Variants in EYS observed in about 807,000 individuals in gnomAD.
EYS encodes the protein EGF-like photoreceptor maintenance factor, also known as protein eyes shut homolog.
In EYS, 250 loss-of-function variants were observed where a neutral mutation model predicts 282.1. That is an observed-to-expected ratio of 0.89 (90% confidence interval 0.80 to 0.98). The LOEUF (loss-of-function observed/expected upper bound fraction) is 0.98. Among genes scored for constraint, EYS ranks in the 50% least tolerant of loss-of-function variants. EYS has a pLI of 0.00. For missense variants in EYS, 4,016 were observed against 3,709.0 expected (o/e 1.08, Z -2.15); for synonymous variants, 1,355 against 1,282.9 (o/e 1.06, Z -1.20).
intron 14 of EYS, among the ~76,000 whole-genome samples, chr6:64,950,835 T>A (rs9351472): frequency 0.17 from 8,403 of 48,846 alleles, 624 homozygotes; most frequent in East Asian, 0.22. Flanking sequence ...ATATATATAT[T>A]GTTGAATTGT....
At chr6:64,185,202 G>A (rs1158259723) in intron 31 of EYS, among the ~76,000 whole-genome samples, 2 of 137,366 alleles carry the variant, frequency 1.5e-5, no homozygotes, top group East Asian at 4.6e-4. Flanking sequence ...TGTCATAGCA[G>A]TCAAATGGAC....
At chr6:64,592,603 A>C (rs1297962691) in intron 25 of EYS, among the ~76,000 whole-genome samples, 1 of 152,184 alleles carries the variant, frequency 6.6e-6, no homozygotes, top group Non-Finnish European at 1.5e-5. Context: ...TTTGGAATTT[A>C]ATATACAATG....
intron 2 of EYS, among the ~76,000 whole-genome samples, chr6:65,610,772 T>A (rs1052983950): frequency 1.9e-4 from 29 of 152,146 alleles, no homozygotes. Flanking sequence ...CTAATTCTGC[T>A]ATTTACTCAC....
chr6:64,870,350 T>A (rs1332724115), intron 19 of EYS, among the ~76,000 whole-genome samples: 1 of 150,846 alleles, frequency 6.6e-6, no homozygotes, highest in East Asian at 1.9e-4. Context: ...CTTAGGGTGA[T>A]CCTTGATACA....
chr6:65,319,562 A>G (rs1194459109), intron 11 of EYS, among the ~76,000 whole-genome samples: 1 of 152,068 alleles, frequency 6.6e-6, no homozygotes, highest in Non-Finnish European at 1.5e-5. Flanking sequence ...ACATTGTTGA[A>G]TTATATTTGT....
chr6:63,853,457 C>T (rs899536639), intron 36 of EYS, among the ~76,000 whole-genome samples: 1 of 152,102 alleles, frequency 6.6e-6, no homozygotes, highest in Non-Finnish European at 1.5e-5. Flanking sequence ...AGGAGAACTA[C>T]AAACCACTCT....
rs570474614 is a variant in EYS at position 64,938,770 on chromosome 6, C to T, written c.2381+7023G>A. 1.2e-4 allele frequency among the ~76,000 whole-genome samples: 18 copies of T among 151,524 alleles called. No homozygotes were observed. The East Asian group carries it at 3.5e-3, about 29-fold the overall frequency. ...ATTCAGTAAGTATATTAAATACTTA[C>T]AAGTACATTTCCAACTTACAATTTT... On this transcript the variant is annotated intron_variant, in intron 15 of 42. Coordinates refer to ENST00000503581, the MANE Select transcript of EYS (RefSeq NM_001142800.2).
At chr6:64,440,346 C>T (rs1246848744) in intron 26 of EYS, among the ~76,000 whole-genome samples, 1 of 151,926 alleles carries the variant, frequency 6.6e-6, no homozygotes, top group Non-Finnish European at 1.5e-5. Flanking sequence ...CATTTTCAAA[C>T]TTGCAACAAT....
chr6:65,412,234 T>A (rs1767050444), intron 5 of EYS, among the ~76,000 whole-genome samples: 1 of 152,126 alleles, frequency 6.6e-6, no homozygotes, highest in South Asian at 2.1e-4. Flanking sequence ...GATAAATAAA[T>A]GTTTAAGCCA....
chr6:65,499,154 CAAAT>C (rs1470299834), intron 2 of EYS, among the ~76,000 whole-genome samples: 2 of 152,020 alleles, frequency 1.3e-5, no homozygotes, highest in East Asian at 1.9e-4. Context: ...GTTATTCTAA[CAAAT>C]AAAGTCCAAC....
chr6:63,963,642 G>A (rs933374824), intron 35 of EYS, among the ~76,000 whole-genome samples: 1 of 152,116 alleles, frequency 6.6e-6, no homozygotes, highest in Non-Finnish European at 1.5e-5. Flanking sequence ...CACAGACTAT[G>A]GGTTTTCATT....
chr6:64,611,741 G>A (rs1757442854), intron 24 of EYS, among the ~76,000 whole-genome samples: 1 of 152,092 alleles, frequency 6.6e-6, no homozygotes, highest in Non-Finnish European at 1.5e-5. Flanking sequence ...TAAGACTAGT[G>A]TATATGTATT....
At position 65,423,868 on chromosome 6, in the gene EYS, AG is replaced by A. The variant is rs143296198; in HGVS notation, c.863-18502del. Reference sequence around the variant, plus strand: ...TGCCCTGCTATAAGTGACATTCTCTAGGGTTTACTTTATCCCTGAGAGTGTT... The same window carrying A: ...TGCCCTGCTATAAGTGACATTCTCTAGGTTTACTTTATCCCTGAGAGTGTT... On this transcript the variant is annotated intron_variant, in intron 5 of 42. Transcript: ENST00000503581. 6.1e-3 allele frequency among the ~76,000 whole-genome samples: 931 copies of A among 152,036 alleles called. 35 individuals are homozygous for A. Among genetic ancestry groups the A allele is most frequent in the East Asian group, 0.05 (260 of 5,154 alleles).
intron 11 of EYS, among the ~76,000 whole-genome samples, chr6:65,322,836 C>T (rs1356690636): frequency 2.0e-5 from 3 of 149,642 alleles, no homozygotes; most frequent in Non-Finnish European, 3.0e-5. Flanking sequence ...AAGTCCAGGC[C>T]AGACTCCATC....
Position 64,142,577 on chromosome 6 carries a change from C to A in EYS, c.6425-60575G>T, listed in dbSNP as rs147582077. ...CAGGTACGCAGGAACCAGGTCATAG[C>A]ACACCTCATGTTTGCTAAGTTTATA... On this transcript the variant is annotated intron_variant, in intron 31 of 42. Transcript: ENST00000503581. Among the ~76,000 whole-genome samples the A allele has an allele frequency of 1.7e-3, 256 of 152,212 alleles. 2 individuals carry two copies. Among genetic ancestry groups the A allele is most frequent in the South Asian group, 0.014 (67 of 4,824 alleles).
At chr6:65,583,574 T>C (rs963613521) in intron 2 of EYS, among the ~76,000 whole-genome samples, 2 of 152,066 alleles carry the variant, frequency 1.3e-5, no homozygotes, top group Non-Finnish European at 2.9e-5. Flanking sequence ...GGAAAAAAAG[T>C]TTGAGTTTCC....
chr6:64,439,213 A>T lies in EYS; in HGVS notation c.5784T>A (p.Asn1928Lys). 1 of 1,481,694 alleles carries T rather than the reference A, an allele frequency of 6.7e-7. No homozygotes were observed. The highest frequency in any genetic ancestry group is 1.4e-5 in the South Asian group (1 of 70,000). The allele number at this position is 1,481,694 out of a possible 1,614,324, so 91.8% of individuals were successfully genotyped here. The change falls in exon 27 of 43, where the codon AAT (asparagine) becomes AAA (lysine). Residue 1928 changes from asparagine (N) to lysine (K), a missense_variant. Transcript: ENST00000503581. ...ATTGAATAAAAAATCCATCTACTAA[A>T]TTTGAGTCTTGCTTGACATACAGCA... ...GLLLYVKQDS[N>K]LVDGFFIQLF...
At chr6:64,920,927 G>C (rs550427263) in intron 15 of EYS, among the ~76,000 whole-genome samples, 18 of 152,150 alleles carry the variant, frequency 1.2e-4, no homozygotes, top group Admixed American at 1.1e-3. Flanking sequence ...GTTTCATATG[G>C]AGAAACATTT....
chr6:65,318,985 T>C (rs186756760), intron 11 of EYS, among the ~76,000 whole-genome samples: 2 of 151,772 alleles, frequency 1.3e-5, no homozygotes, highest in Admixed American at 6.6e-5. Context: ...CTGATATTAA[T>C]ATTATTTTCT....
Sources: allele counts gnomAD v4.1 joint callset (sites outside exome capture counted in the v4.1 genomes callset), GRCh38; gene constraint gnomAD v4.1.1; transcripts MANE v1.5; gene names NCBI Gene and HGNC (gene_info 2026-07-23, HGNC 2026-07-21).